The following STPG2 variants were observed in gnomAD, a reference collection of about 807,000 sequenced individuals.
STPG2 encodes the protein sperm tail PG-rich repeat containing 2.
STPG2 carries 56 observed loss-of-function variants against 54.2 expected under a neutral mutation model. That is an observed-to-expected ratio of 1.03 (90% confidence interval 0.83 to 1.29). The LOEUF (loss-of-function observed/expected upper bound fraction) is 1.29. Ranked by LOEUF, STPG2 falls within the 50% of genes most tolerant of loss-of-function variation. The pLI, the probability that STPG2 is intolerant of heterozygous loss-of-function variation, is 0.00. For missense variants in STPG2, 596 were observed against 544.9 expected, an observed-to-expected ratio of 1.09 and a Z score of -0.93; for synonymous variants, 200 against 181.8, an observed-to-expected ratio of 1.10 and a Z score of -0.81.
intron 9 of STPG2, among the ~76,000 whole-genome samples, chr4:97,824,670 T>G (rs1413906845): frequency 6.6e-6 from 1 of 152,042 alleles, no homozygotes; most frequent in African/African-American, 2.4e-5. Context: ...GGACAGAAAT[T>G]TGGGGGTTCA....
At chr4:98,091,285 C>T (rs1331067422) in intron 5 of STPG2, among the ~76,000 whole-genome samples, 2 of 152,108 alleles carry the variant, frequency 1.3e-5, no homozygotes, top group Middle Eastern at 3.4e-3. Flanking sequence ...ATTTGCCTAA[C>T]AATTACCTGT....
chr4:98,057,747 T>C (rs556432615), intron 5 of STPG2, among the ~76,000 whole-genome samples: 2 of 152,012 alleles, frequency 1.3e-5, no homozygotes, highest in Non-Finnish European at 2.9e-5. Flanking sequence ...TCAAGACACA[T>C]AATCATCAGA....
At chr4:98,059,550 T>C (rs1737580421) in intron 5 of STPG2, among the ~76,000 whole-genome samples, 1 of 151,528 alleles carries the variant, frequency 6.6e-6, no homozygotes, top group Non-Finnish European at 1.5e-5. Flanking sequence ...CAAATCATTC[T>C]ATGAGGCCAA....
At chr4:98,134,855 T>C (rs1274589309) in intron 1 of STPG2, among the ~76,000 whole-genome samples, 1 of 151,762 alleles carries the variant, frequency 6.6e-6, no homozygotes, top group Non-Finnish European at 1.5e-5. Context: ...TATATAAACT[T>C]GTAAAGACAC....
intron 3 of STPG2, among the ~76,000 whole-genome samples, chr4:98,125,084 T>C (rs1739792729): frequency 6.6e-6 from 1 of 152,212 alleles, no homozygotes; most frequent in Admixed American, 6.5e-5. Context: ...TATAGTTTTA[T>C]CATGGTTCTT....
chr4:97,562,090 ATTTG>A (rs1294334705), intron 10 of STPG2, among the ~76,000 whole-genome samples: 1 of 152,110 alleles, frequency 6.6e-6, no homozygotes, highest in Non-Finnish European at 1.5e-5. Context: ...ATGTTCTTCC[ATTTG>A]TTTGTATCCT....
At chr4:98,057,271 G>T (rs1737512196) in intron 5 of STPG2, among the ~76,000 whole-genome samples, 1 of 152,138 alleles carries the variant, frequency 6.6e-6, no homozygotes, top group African/African-American at 2.4e-5. Context: ...TGAGCAACAG[G>T]AATACATTGA....
intron 8 of STPG2, among the ~76,000 whole-genome samples, chr4:97,895,307 A>G (rs1384873067): frequency 6.6e-6 from 1 of 151,922 alleles, no homozygotes; most frequent in Non-Finnish European, 1.5e-5. Context: ...TATAACGTAA[A>G]GAGTAAGAAA....
intron 8 of STPG2, among the ~76,000 whole-genome samples, chr4:97,925,126 C>T (rs1053110967): frequency 6.6e-6 from 1 of 152,120 alleles, no homozygotes; most frequent in Non-Finnish European, 1.5e-5. Context: ...TTATGTACTG[C>T]AAATAAAAAT....
At chr4:97,686,629 G>A (rs1723196478) in intron 10 of STPG2, among the ~76,000 whole-genome samples, 1 of 151,968 alleles carries the variant, frequency 6.6e-6, no homozygotes, top group African/African-American at 2.4e-5. Context: ...CCCAATCTTT[G>A]AAACGTGACT....
Position 98,022,340 on chromosome 4 carries a change from T to G in STPG2, c.613-41022A>C, listed in dbSNP as rs575993212. On this transcript the variant is annotated intron_variant, in intron 5 of 10. Transcript: ENST00000295268. ...TTCTTTTCTTTAAGAATGTTGAATATTGGCCCCCACTCTCTTCTGGCTTGT... is the reference window on the plus strand; with the variant it reads ...TTCTTTTCTTTAAGAATGTTGAATAGTGGCCCCCACTCTCTTCTGGCTTGT... 5.2e-3 allele frequency among the ~76,000 whole-genome samples: 798 copies of G among 152,130 alleles called. 10 individuals are homozygous for G. The highest frequency in any genetic ancestry group is 0.018 in the African/African-American group (763 of 41,508).
chr4:97,491,646 G>C (rs897936059), intron 4 of STPG2, among the ~76,000 whole-genome samples: 3 of 151,588 alleles, frequency 2.0e-5, no homozygotes, highest in Non-Finnish European at 3.0e-5. Flanking sequence ...CAAAGGCACA[G>C]AGACTTAAGA....
At chr4:97,851,228 A>G (rs1424657613) in intron 8 of STPG2, among the ~76,000 whole-genome samples, 2 of 152,196 alleles carry the variant, frequency 1.3e-5, no homozygotes, top group Non-Finnish European at 2.9e-5. Flanking sequence ...GAAAGCCTCT[A>G]TTTTGCACAC....
intron 8 of STPG2, among the ~76,000 whole-genome samples, chr4:97,889,466 A>T (rs1254400665): frequency 6.6e-6 from 1 of 152,242 alleles, no homozygotes; most frequent in Non-Finnish European, 1.5e-5. Flanking sequence ...GTATATATAC[A>T]TAATGGAAAA....
intron 7 of STPG2, among the ~76,000 whole-genome samples, chr4:97,962,819 C>T (rs186118007): frequency 1.5e-4 from 23 of 152,268 alleles, no homozygotes; most frequent in African/African-American, 4.8e-4. Flanking sequence ...AGAGATCATG[C>T]TAATAATCAC....
intron 4 of STPG2, among the ~76,000 whole-genome samples, chr4:97,450,401 T>C (rs1015957414): frequency 6.6e-6 from 1 of 151,992 alleles, no homozygotes; most frequent in African/African-American, 2.4e-5. Flanking sequence ...TTACCAATAA[T>C]GAGATAATCA....
At chr4:97,725,553 A>G (rs1320708538) in intron 9 of STPG2, among the ~76,000 whole-genome samples, 1 of 151,996 alleles carries the variant, frequency 6.6e-6, no homozygotes, top group African/African-American at 2.4e-5. Flanking sequence ...CCAGGAGCAC[A>G]TAACTGTTGG....
intron 8 of STPG2, among the ~76,000 whole-genome samples, chr4:97,886,644 T>G (rs1349775206): frequency 1.3e-5 from 2 of 152,204 alleles, no homozygotes. Context: ...TTTCTACTCT[T>G]CACGTCAAAC....
intron 5 of STPG2, among the ~76,000 whole-genome samples, chr4:97,986,535 C>T: frequency 6.6e-6 from 1 of 152,236 alleles, no homozygotes; most frequent in East Asian, 1.9e-4. Context: ...AGATGCAAGC[C>T]TATATAGCTT....
Sources: allele counts gnomAD v4.1 joint callset (sites outside exome capture counted in the v4.1 genomes callset), GRCh38; gene constraint gnomAD v4.1.1; transcripts MANE v1.5; gene names NCBI Gene and HGNC (gene_info 2026-07-23, HGNC 2026-07-21).